Variants in ATP8B4 observed in about 807,000 individuals in gnomAD.
The protein encoded by ATP8B4 is probable phospholipid-transporting ATPase IM.
In ATP8B4, 133 loss-of-function variants were observed where a neutral mutation model predicts 145.6. The ratio of observed to expected loss-of-function variants is 0.91; its 90% CI spans 0.79 to 1.05. The LOEUF (loss-of-function observed/expected upper bound fraction) is 1.05, where lower values mean the gene tolerates loss of function less well. ATP8B4 is among the 50% of genes least tolerant of loss of function. The pLI, the probability that ATP8B4 is intolerant of heterozygous loss-of-function variation, is 0.00. For synonymous variants in ATP8B4, 507 were observed against 492.9 expected (o/e 1.03, Z -0.38); for missense variants, 1,458 against 1,425.2 (o/e 1.02, Z -0.37).
intron 2 of ATP8B4, among the ~76,000 whole-genome samples, chr15:50,100,689 C>T (rs1390493717): frequency 6.6e-6 from 1 of 152,170 alleles, no homozygotes; most frequent in Non-Finnish European, 1.5e-5. Flanking sequence ...TCACATCAGT[C>T]TTGCAGGTCA....
At chr15:49,907,202 C>A (rs568067671) in intron 20 of ATP8B4, among the ~76,000 whole-genome samples, 4 of 152,258 alleles carry the variant, frequency 2.6e-5, no homozygotes, top group Admixed American at 2.6e-4. Flanking sequence ...AATTGTACAT[C>A]CCAGACTTGA....
In ATP8B4 at chr15:49,942,509, A is replaced by G. The variant is rs117918030; in HGVS notation, c.1288-8327T>C. Among the ~76,000 whole-genome samples, 524 of 152,250 alleles carry G rather than the reference A, an allele frequency of 3.4e-3. 8 individuals are homozygous for G. The highest frequency in any genetic ancestry group is 0.027 in the East Asian group (140 of 5,186). On this transcript the variant is annotated intron_variant, in intron 14 of 27. Transcript: ENST00000284509. ...GGGCTACTGCAGAAACTAAAGTGAA[A>G]TTGGAGAGAGCACTGGGGTAAAAAA...
chr15:50,038,932 G>T (rs2051052468), intron 5 of ATP8B4, 103 bp from the exon 6 acceptor site: 3 of 986,958 alleles, frequency 3.0e-6, no homozygotes, highest in Non-Finnish European at 4.8e-6. Flanking sequence ...AAACTGTGTT[G>T]TCACTGGTCT....
chr15:50,087,339 A>AATAC (rs58558934), intron 2 of ATP8B4, among the ~76,000 whole-genome samples: 1 of 133,912 alleles, frequency 7.5e-6, no homozygotes, highest in Non-Finnish European at 1.5e-5. Context: ...ATTTATATAT[A>AATAC]ATATAGATCT....
At position 49,860,368 on chromosome 15, in the gene ATP8B4, TTGG is replaced by T; in HGVS notation, c.3402_3404del (p.His1134del). ...ATGTGATAAGCTCTCCATAGCCTTC[TTGG>T]TGAGCAAAAGCATATCCAGACCTTC... On this transcript the variant is annotated inframe_deletion, in exon 28 of 28. Transcript: ENST00000284509. The T allele has an allele frequency of 6.2e-7, 1 of 1,614,162 alleles. No homozygotes were observed. Among genetic ancestry groups the T allele is most frequent in the Non-Finnish European group, 8.5e-7 (1 of 1,180,006 alleles).
At chr15:49,994,478 C>T (rs1056695039) in intron 9 of ATP8B4, among the ~76,000 whole-genome samples, 3 of 152,068 alleles carry the variant, frequency 2.0e-5, no homozygotes, top group African/African-American at 4.8e-5. Flanking sequence ...ATGTGCTAGA[C>T]GTTGTTCTAG....
At chr15:49,968,353 A>G (rs2044748602) in intron 13 of ATP8B4, among the ~76,000 whole-genome samples, 1 of 152,208 alleles carries the variant, frequency 6.6e-6, no homozygotes, top group Non-Finnish European at 1.5e-5. Flanking sequence ...GTCAAGACCC[A>G]CTGGTGTGCT....
rs564262525 is a variant in ATP8B4 at position 50,156,794 on chromosome 15, C to T, written c.-43+25467G>A. On this transcript the variant is annotated intron_variant, in intron 1 of 3. Coordinates refer to the ATP8B4 transcript ENST00000558829. ...GGCATGACTTAATGTTTGAGATTGCCATTCCACTTCTTAGTAATCTCTTAA... is the reference window on the plus strand; with the variant it reads ...GGCATGACTTAATGTTTGAGATTGCTATTCCACTTCTTAGTAATCTCTTAA... 8.5e-5 allele frequency among the ~76,000 whole-genome samples: 13 copies of T among 152,278 alleles called. No individual in the cohort carries two copies. In the Middle Eastern group the frequency reaches 0.01, roughly 120 times the overall value.
chr15:50,141,196 C>T (rs1026325181), intron 1 of ATP8B4, among the ~76,000 whole-genome samples: 1 of 152,108 alleles, frequency 6.6e-6, no homozygotes, highest in African/African-American at 2.4e-5. Flanking sequence ...CGGCGACCTC[C>T]TTTTCCTCTT....
intron 14 of ATP8B4, among the ~76,000 whole-genome samples, chr15:49,947,707 C>T (rs2153485284): frequency 6.6e-6 from 1 of 152,176 alleles, no homozygotes; most frequent in Non-Finnish European, 1.5e-5. Context: ...CCTCACAATT[C>T]CTGATTTCAA....
In ATP8B4 at chr15:49,876,386, G is replaced by A. The variant is rs1469064606; in HGVS notation, c.2919C>T (p.Pro973=). The change falls in exon 25 of 28, where the codon CCC becomes CCT. Residue 973 remains proline (P), a synonymous_variant. Transcript: ENST00000284509. ...CAGCCACGTTGTAAAAGGCCCCATAGGGGATGAAGAAAAGGACTAATGAGG... is the reference window on the plus strand; with the variant it reads ...CAGCCACGTTGTAAAAGGCCCCATAAGGGATGAAGAAAAGGACTAATGAGG... The part of the protein sequence containing the change: ...IYTSLVLFFI[P]YGAFYNVAGE... The A allele has an allele frequency of 1.9e-6, 3 of 1,614,024 alleles. No individual in the cohort carries two copies. Among genetic ancestry groups the A allele is most frequent in the African/African-American group, 2.7e-5 (2 of 74,948 alleles).
chr15:49,910,938 A>G (rs997050862), intron 20 of ATP8B4, among the ~76,000 whole-genome samples: 1 of 152,112 alleles, frequency 6.6e-6, no homozygotes, highest in Non-Finnish European at 1.5e-5. Flanking sequence ...GACAATATCT[A>G]CTATTAAGAA....
At chr15:50,065,052 G>A (rs1469728696) in intron 3 of ATP8B4, among the ~76,000 whole-genome samples, 2 of 152,070 alleles carry the variant, frequency 1.3e-5, no homozygotes, top group East Asian at 3.8e-4. Flanking sequence ...TGGGAACACA[G>A]ATCCAAATCA....
chr15:50,052,852 C>T (rs1364004152), intron 3 of ATP8B4, among the ~76,000 whole-genome samples: 5 of 152,058 alleles, frequency 3.3e-5, no homozygotes, highest in Non-Finnish European at 5.9e-5. Context: ...TTATCAAGAC[C>T]AAAAGAGTCT....
chr15:49,864,643 GAAT>G (rs2032462345), intron 26 of ATP8B4, among the ~76,000 whole-genome samples: 1 of 152,160 alleles, frequency 6.6e-6, no homozygotes. Flanking sequence ...ACTCTTTGTA[GAAT>G]AATAGAATCT....
intron 14 of ATP8B4, among the ~76,000 whole-genome samples, chr15:49,950,599 A>C (rs555412288): frequency 0.023 from 2,000 of 87,806 alleles, 67 homozygotes; most frequent in African/African-American, 0.063. Context: ...CTAAAAAAAA[A>C]AAACAAACAA....
chr15:50,159,114 T>C (rs957277378), intron 1 of ATP8B4, among the ~76,000 whole-genome samples: 3 of 152,140 alleles, frequency 2.0e-5, no homozygotes, highest in African/African-American at 7.2e-5. Context: ...AAAAAAAACA[T>C]ATTTATTCTT....
rs770099881 is a variant in ATP8B4, at chr15:49,901,544, G to T, written c.2142-305C>A. 4.6e-5 allele frequency among the ~76,000 whole-genome samples: 7 copies of T among 152,084 alleles called. 1 individual carries two copies. Among genetic ancestry groups the T allele is most frequent in the African/African-American group, 1.7e-4 (7 of 41,414 alleles). ...TGAACTAGGGGATCTTGATAGATTT[G>T]GTACTTAAGACTGTCTGAGCTTCAA... On this transcript the variant is annotated intron_variant, in intron 20 of 27. Transcript: ENST00000284509.
chr15:49,956,405 T>A (rs1017453365), intron 14 of ATP8B4, among the ~76,000 whole-genome samples: 7 of 152,024 alleles, frequency 4.6e-5, no homozygotes, highest in African/African-American at 1.7e-4. Context: ...ATATTTAAAA[T>A]AAGTGTATAT....
Sources: allele counts gnomAD v4.1 joint callset (sites outside exome capture counted in the v4.1 genomes callset), GRCh38; gene constraint gnomAD v4.1.1; transcripts MANE v1.5; gene names NCBI Gene and HGNC (gene_info 2026-07-23, HGNC 2026-07-21).